ZNF480: variants seen among roughly 807,000 people sequenced by gnomAD.
ZNF480 encodes the protein zinc finger protein 480.
Under a neutral mutation model 14.4 loss-of-function variants are expected in ZNF480, and 15 were observed. The observed-to-expected ratio is 1.04, with a 90% CI of 0.70 to 1.60. ZNF480 has a LOEUF of 1.60. Among genes scored for constraint, ZNF480 ranks in the 40% most tolerant of loss-of-function variants. The pLI, the probability that ZNF480 is intolerant of heterozygous loss-of-function variation, is 0.00. For synonymous variants in ZNF480, 218 were observed against 215.5 expected (o/e 1.01, Z -0.10); for missense variants, 593 against 629.7 (o/e 0.94, Z 0.62).
At chr19:52,321,222 T>C (rs1009948011) in intron 4 of ZNF480, among the ~76,000 whole-genome samples, 1 of 152,190 alleles carries the variant, frequency 6.6e-6, no homozygotes, top group East Asian at 1.9e-4. Context: ...TCTGGGGATG[T>C]GCCTTTCCTA....
chr19:52,315,161 C>G (rs2122548027), intron 3 of ZNF480, among the ~76,000 whole-genome samples: 1 of 152,102 alleles, frequency 6.6e-6, no homozygotes, highest in South Asian at 2.1e-4. Context: ...GTTGGCCAGG[C>G]TGGTCTCAAA....
intron 2 of ZNF480, among the ~76,000 whole-genome samples, chr19:52,313,295 G>A (rs969022198): frequency 2.7e-5 from 4 of 149,908 alleles, no homozygotes; most frequent in Admixed American, 6.7e-5. Flanking sequence ...ATACCACCAC[G>A]CCCAGCTAAT....
chr19:52,325,014 G>T lies in ZNF480; in HGVS notation c.*2156G>T, dbSNP rs941482250. 9 of 152,082 alleles carry T rather than the reference G, an allele frequency of 5.9e-5. No homozygotes were observed. The highest frequency in any genetic ancestry group is 1.3e-4 in the Non-Finnish European group (9 of 68,014). The allele number at this position is 152,082 out of a possible 1,614,324, so 9.4% of individuals were successfully genotyped here. Reference sequence around the variant, plus strand: ...GAATGGGAGAAAATGTTTACAAACTGCATCTGACAAAGATCTAATCCAGAA... The same window carrying T: ...GAATGGGAGAAAATGTTTACAAACTTCATCTGACAAAGATCTAATCCAGAA... On this transcript the variant is annotated 3_prime_UTR_variant, in exon 5 of 5. Coordinates refer to ENST00000595962, the MANE Select transcript of ZNF480 (RefSeq NM_144684.4).
rs373151692 is a variant in ZNF480 at position 52,316,013 on chromosome 19, T to G, written c.328+51T>G. ...AAGCCATGCTGTTGTTTGGGCTTTT[T>G]TTTTGTTTTGTTTTGTCTAGTTTTG... On this transcript the variant is annotated intron_variant, in intron 4 of 4. Coordinates refer to ENST00000595962, the MANE Select transcript of ZNF480 (RefSeq NM_144684.4). 184 of 1,496,294 alleles carry G rather than the reference T, an allele frequency of 1.2e-4. No individual in the cohort carries two copies. The Middle Eastern group carries it at 2.6e-3, about 21-fold the overall frequency. 92.7% of individuals were successfully genotyped at this position (1,496,294 alleles called of 1,614,324 possible).
rs1984041224 is a variant in ZNF480 at position 52,325,251 on chromosome 19, G to A, written c.*2393G>A. 6.6e-6 allele frequency: 1 copy of A among 152,080 alleles called. No individual in the cohort carries two copies. The highest frequency in any genetic ancestry group is 2.4e-5 in the African/African-American group (1 of 41,400). The allele number at this position is 152,080 out of a possible 1,614,324, so 9.4% of individuals were successfully genotyped here. A position where few individuals can be genotyped will look rare whatever the true frequency, so the allele number is the denominator to read the frequency against. On this transcript the variant is annotated 3_prime_UTR_variant, in exon 5 of 5. Coordinates refer to ENST00000595962, the MANE Select transcript of ZNF480 (RefSeq NM_144684.4). ...TGTCTGAATGGGTATTATCAGAATG[G>A]GTATTATTAAAAAATCAAAACATAG...
intron 3 of ZNF480, 55 bp from the exon 4 acceptor site, chr19:52,315,779 G>A (rs2122549545): frequency 5.8e-6 from 9 of 1,559,988 alleles, no homozygotes; most frequent in Non-Finnish European, 7.8e-6. Flanking sequence ...CCTACACATA[G>A]GGCTTGGATT....
intron 4 of ZNF480, among the ~76,000 whole-genome samples, chr19:52,321,036 G>C (rs548094895): frequency 4.4e-4 from 67 of 152,076 alleles, no homozygotes; most frequent in Non-Finnish European, 8.2e-4. Flanking sequence ...TCTTTTTCTA[G>C]GTTTGGCTTT....
In ZNF480 at chr19:52,318,763, G is replaced by A. The variant is rs1296304405; in HGVS notation, c.328+2801G>A. Among the ~76,000 whole-genome samples the A allele has an allele frequency of 2.0e-5, 3 of 152,138 alleles. No homozygotes were observed. In the East Asian group the frequency reaches 5.8e-4, roughly 29 times the overall value. ...TTTTTCTTCAGCACTATTTGATGAA[G>A]TGACTGTCCTTTCCTTGTTACATGG... On this transcript the variant is annotated intron_variant, in intron 4 of 4. Coordinates refer to ENST00000595962, the MANE Select transcript of ZNF480 (RefSeq NM_144684.4).
chr19:52,319,065 C>T (rs1357585089), intron 4 of ZNF480, among the ~76,000 whole-genome samples: 2 of 151,866 alleles, frequency 1.3e-5, no homozygotes, highest in South Asian at 2.1e-4. Flanking sequence ...GGTTTCACCA[C>T]GTTAGTCAGT....
At chr19:52,305,674 C>T (rs1330048745) in intron 2 of ZNF480, among the ~76,000 whole-genome samples, 4 of 152,262 alleles carry the variant, frequency 2.6e-5, no homozygotes, top group African/African-American at 4.8e-5. Flanking sequence ...GCACTTTTTG[C>T]GGGGGTTCCT....
chr19:52,319,392 T>C (rs1363450146), intron 4 of ZNF480, among the ~76,000 whole-genome samples: 3 of 152,208 alleles, frequency 2.0e-5, no homozygotes, highest in Admixed American at 6.5e-5. Flanking sequence ...TTAAGCACTT[T>C]CAATATGTCA....
chr19:52,315,774 A>AC, intron 3 of ZNF480, 60 bp from the exon 4 acceptor site: 5 of 1,557,734 alleles, frequency 3.2e-6, no homozygotes, highest in Non-Finnish European at 4.4e-6. Context: ...TCCTTCCTAC[A>AC]CATAGGGCTT....
intron 2 of ZNF480, among the ~76,000 whole-genome samples, chr19:52,307,136 T>C (rs1266199953): frequency 1.3e-5 from 2 of 152,138 alleles, no homozygotes; most frequent in Non-Finnish European, 2.9e-5. Context: ...TATAGGAATA[T>C]CCTCAGCGCC....
intron 1 of ZNF480, 53 bp from the exon 2 acceptor site, chr19:52,300,341 A>C: frequency 1.3e-6 from 2 of 1,582,380 alleles, no homozygotes. Flanking sequence ...ATTGTGGCAC[A>C]GGAAAAGGGT....
At chr19:52,305,282 T>C (rs1180834897) in intron 2 of ZNF480, among the ~76,000 whole-genome samples, 1 of 152,202 alleles carries the variant, frequency 6.6e-6, no homozygotes, top group Non-Finnish European at 1.5e-5. Context: ...AGAGAAATGA[T>C]TGAAATGTCC....
At position 52,314,196 on chromosome 19, in the gene ZNF480, C is replaced by G; in HGVS notation, c.116C>G (p.Ala39Gly). The part of the protein sequence containing the change: ...FRDVAIEFSQ[A>G]EWKCLDPAQR... ...GACGTGGCCATAGAATTCTCTCAGG[C>G]GGAGTGGAAATGCCTGGACCCTGCA... The change falls in exon 3 of 5, where the codon GCG (alanine) becomes GGG (glycine). Residue 39 changes from alanine to glycine, a missense_variant. Ala to Gly is a moderately conservative substitution (Grantham distance 60, BLOSUM62 0). Coordinates refer to ENST00000595962, the MANE Select transcript of ZNF480 (RefSeq NM_144684.4). The G allele has an allele frequency of 6.3e-7, 1 of 1,582,294 alleles. No individual in the cohort carries two copies.
intron 2 of ZNF480, chr19:52,300,721 A>G (rs1015129402): frequency 1.6e-6 from 1 of 644,306 alleles, no homozygotes; most frequent in East Asian, 2.8e-5. Flanking sequence ...AGGGGCCAAC[A>G]GCCTTCAGAG....
intron 2 of ZNF480, among the ~76,000 whole-genome samples, chr19:52,304,198 T>A (rs996185741): frequency 4.6e-5 from 7 of 152,226 alleles, no homozygotes; most frequent in African/African-American, 1.7e-4. Context: ...ACCGCAGGAA[T>A]TATAAATGCA....
At chr19:52,307,018 C>T (rs188426338) in intron 2 of ZNF480, among the ~76,000 whole-genome samples, 1 of 152,292 alleles carries the variant, frequency 6.6e-6, no homozygotes, top group African/African-American at 2.4e-5. Flanking sequence ...TCTGTCACTT[C>T]TTCTGTACTT....
Sources: gnomAD v4.1 joint callset for allele counts (sites outside exome capture counted in the v4.1 genomes callset) on GRCh38, gnomAD v4.1.1 for gene constraint, MANE v1.5 for transcripts, NCBI Gene and HGNC (gene_info 2026-07-23, HGNC 2026-07-21) for gene names.